Variants in USP25 observed in about 807,000 individuals in gnomAD.
USP25 encodes ubiquitin specific peptidase 25, also known as ubiquitin carboxyl-terminal hydrolase 25.
In USP25, 85 loss-of-function variants were observed where a neutral mutation model predicts 158.5. That is an observed-to-expected ratio of 0.54 (90% CI 0.45 to 0.64). USP25 has a LOEUF of 0.64. USP25 is among the 30% of genes least tolerant of loss of function. The probability of loss-of-function intolerance (pLI) is 0.00; values close to 1 mark genes in which losing one functional copy is unlikely to be tolerated. For synonymous variants in USP25, 464 were observed against 460.4 expected, an observed-to-expected ratio of 1.01 and a Z score of -0.10; for missense variants, 1,242 against 1,327.3, an observed-to-expected ratio of 0.94 and a Z score of 1.00.
At chr21:15,805,402 G>A in intron 7 of USP25, 144 bp downstream of exon 7, 3 of 810,094 alleles carry the variant, frequency 3.7e-6, no homozygotes, top group Non-Finnish European at 5.0e-6. Flanking sequence ...AAACATTTGG[G>A]AGACTTTTAA....
chr21:15,818,020 ACCT>A lies in USP25; in HGVS notation c.932-674_932-672del, dbSNP rs1465032856. 9.9e-5 allele frequency among the ~76,000 whole-genome samples: 15 copies of A among 151,988 alleles called. No homozygotes were observed. The South Asian group carries it at 2.7e-3, about 27-fold the overall frequency. On this transcript the variant is annotated intron_variant, in intron 9 of 25. Coordinates refer to ENST00000400183, the MANE Select transcript of USP25 (RefSeq NM_001283041.3). ...TCCCTTGGTTCCCCAAGCTACACTA[ACCT>A]CCTGTTAGTTCCTAAACATATCAAC...
intron 3 of USP25, among the ~76,000 whole-genome samples, chr21:15,771,902 AT>A (rs369424344): frequency 6.6e-6 from 1 of 151,830 alleles, no homozygotes; most frequent in South Asian, 2.1e-4. Flanking sequence ...AACTTGGCTT[AT>A]TTTTTTTAAA....
intron 1 of USP25, among the ~76,000 whole-genome samples, chr21:15,750,575 T>C (rs2032931056): frequency 1.3e-5 from 2 of 151,952 alleles, no homozygotes; most frequent in African/African-American, 4.8e-5. Context: ...AGTTCTATGA[T>C]AATGCTCAGC....
At chr21:15,822,683 T>C (rs1314515871) in intron 10 of USP25, among the ~76,000 whole-genome samples, 1 of 152,092 alleles carries the variant, frequency 6.6e-6, no homozygotes, top group Middle Eastern at 3.4e-3. Context: ...TGGGGTAATG[T>C]TTTAATTCTT....
At chr21:15,751,986 G>A (rs2033050535) in intron 1 of USP25, among the ~76,000 whole-genome samples, 1 of 152,190 alleles carries the variant, frequency 6.6e-6, no homozygotes, top group African/African-American at 2.4e-5. Context: ...GCAGGTTGGA[G>A]TACAATGGTG....
chr21:15,751,515 T>C (rs961671679), intron 1 of USP25, among the ~76,000 whole-genome samples: 1 of 152,190 alleles, frequency 6.6e-6, no homozygotes, highest in Non-Finnish European at 1.5e-5. Flanking sequence ...GTACAGAAAC[T>C]AGAGATGCAT....
At chr21:15,814,499 T>C (rs1278422094) in intron 9 of USP25, among the ~76,000 whole-genome samples, 1 of 152,170 alleles carries the variant, frequency 6.6e-6, no homozygotes, top group Non-Finnish European at 1.5e-5. Context: ...ATTTGTTGAA[T>C]GGCTTTGACA....
intron 1 of USP25, among the ~76,000 whole-genome samples, chr21:15,748,802 G>A (rs1410199939): frequency 6.6e-6 from 1 of 152,120 alleles, no homozygotes; most frequent in Non-Finnish European, 1.5e-5. Flanking sequence ...TTTTGCAGAA[G>A]CTAATTTGGC....
chr21:15,848,615 TTTATG>T lies in USP25; in HGVS notation c.2451+843_2451+847del, dbSNP rs757572483. On this transcript the variant is annotated intron_variant, in intron 19 of 25. Transcript: ENST00000400183. ...TTTGTGGGTTTGTATAAGAATTGCA[TTTATG>T]TTAAGTTTTTTTTCACGTAACTTTT... is the stretch of plus-strand genomic sequence containing the variant. Among the ~76,000 whole-genome samples the T allele has an allele frequency of 1.4e-4, 22 of 152,218 alleles. No homozygotes were observed. In the East Asian group the frequency reaches 3.5e-3, roughly 24 times the overall value.
At chr21:15,764,728 G>A (rs894261468) in intron 2 of USP25, among the ~76,000 whole-genome samples, 16 of 152,044 alleles carry the variant, frequency 1.1e-4, no homozygotes, top group African/African-American at 3.6e-4. Context: ...TTATTTTATT[G>A]TTAGATTACT....
chr21:15,768,583 G>A (rs2034170523), intron 3 of USP25, among the ~76,000 whole-genome samples: 1 of 151,944 alleles, frequency 6.6e-6, no homozygotes, highest in African/African-American at 2.4e-5. Context: ...GGGAAGGAAA[G>A]ACAAAATAAT....
At chr21:15,865,162 T>C (rs953546053) in intron 21 of USP25, among the ~76,000 whole-genome samples, 3 of 152,100 alleles carry the variant, frequency 2.0e-5, no homozygotes, top group African/African-American at 7.2e-5. Context: ...ATTCAGAAAG[T>C]CCTATTAAAC....
At chr21:15,870,015 A>C in intron 22 of USP25, 53 bp from the exon 23 acceptor site, 1 of 1,358,254 alleles carries the variant, frequency 7.4e-7, no homozygotes, top group Non-Finnish European at 1.0e-6. Context: ...ACAGTTTCAT[A>C]GTACTTTTTA....
Position 15,826,890 on chromosome 21 carries a change from C to G in USP25, c.1467-87C>G. On this transcript the variant is annotated intron_variant, in intron 13 of 25. Transcript: ENST00000400183. This position sits in a 1 kb window ranked among gnomAD's most constrained non-coding sequence, Gnocchi z 4.8. ...AAGATTTTTTCTTTTGAATTACAAG[C>G]CAATTTAATACTGTGGGTTTGGCAC... is the stretch of plus-strand genomic sequence containing the variant. The G allele has an allele frequency of 1.5e-6, 2 of 1,323,448 alleles. No individual in the cohort carries two copies. Among genetic ancestry groups the G allele is most frequent in the Admixed American group, 2.1e-5 (1 of 48,048 alleles). 82.0% of individuals were successfully genotyped at this position (1,323,448 alleles called of 1,614,324 possible).
intron 1 of USP25, among the ~76,000 whole-genome samples, chr21:15,756,619 T>A (rs1406309645): frequency 6.6e-6 from 1 of 152,208 alleles, no homozygotes; most frequent in Non-Finnish European, 1.5e-5. Flanking sequence ...CTCAGGTTTT[T>A]AATTTATATT....
At chr21:15,859,814 G>A (rs1022686159) in intron 20 of USP25, among the ~76,000 whole-genome samples, 2 of 151,448 alleles carry the variant, frequency 1.3e-5, no homozygotes, top group African/African-American at 4.8e-5. Flanking sequence ...TTCTACCGAT[G>A]AGTTTTCTTC....
rs574267528 is a variant in USP25 at position 15,762,501 on chromosome 21, T to TA, written c.46-389dup. On this transcript the variant is annotated intron_variant, in intron 1 of 25. Coordinates refer to ENST00000400183, the MANE Select transcript of USP25 (RefSeq NM_001283041.3). ...TCCGTGGTATAATTACCCACCGAGT[T>TA]ATGTCTTGCCGAAAGCATGTCTTTT... is the stretch of plus-strand genomic sequence containing the variant. Among the ~76,000 whole-genome samples the TA allele has an allele frequency of 2.2e-3, 339 of 152,286 alleles. 1 individual carries two copies. Among genetic ancestry groups the TA allele is most frequent in the African/African-American group, 7.8e-3 (324 of 41,560 alleles).
chr21:15,873,636 G>A (rs9985029), intron 23 of USP25, among the ~76,000 whole-genome samples: 4,941 of 151,928 alleles, frequency 0.033, 222 homozygotes, highest in East Asian at 0.1. Flanking sequence ...TGGGACTACA[G>A]GCATGTGTCA....
chr21:15,873,940 A>T (rs1338766019), intron 23 of USP25, among the ~76,000 whole-genome samples: 4 of 151,598 alleles, frequency 2.6e-5, no homozygotes, highest in Non-Finnish European at 5.9e-5. Context: ...TTTCTCAGTA[A>T]CTAAAACTGT....
Sources: gnomAD v4.1 joint callset for allele counts (sites outside exome capture counted in the v4.1 genomes callset) on GRCh38, gnomAD v4.1.1 for gene constraint, Gnocchi (gnomAD v3.1) non-coding constraint, MANE v1.5 for transcripts, NCBI Gene and HGNC (gene_info 2026-07-23, HGNC 2026-07-21) for gene names.